Variants in ADAM23 observed in about 807,000 individuals in gnomAD.
ADAM23 encodes the protein disintegrin and metalloproteinase domain-containing protein 23.
Under a neutral mutation model 120.1 loss-of-function variants are expected in ADAM23, and 33 were observed. The ratio of observed to expected loss-of-function variants is 0.27; its 90% CI spans 0.21 to 0.37. ADAM23 has a LOEUF of 0.37. Ranked by LOEUF, ADAM23 falls within the 10% of genes least tolerant of loss-of-function variation. The probability of loss-of-function intolerance (pLI) is 1.00; values close to 1 mark genes in which losing one functional copy is unlikely to be tolerated. For synonymous variants in ADAM23, 367 were observed against 375.2 expected (o/e 0.98, Z 0.25); for missense variants, 862 against 1,058.2 (o/e 0.81, Z 2.57).
At chr2:206,485,674 T>C (rs1440739503) in intron 3 of ADAM23, among the ~76,000 whole-genome samples, 1 of 152,240 alleles carries the variant, frequency 6.6e-6, no homozygotes, top group Non-Finnish European at 1.5e-5. Context: ...ATCTGCTATG[T>C]GCCTCTGGCT....
intron 6 of ADAM23, among the ~76,000 whole-genome samples, chr2:206,545,216 G>C (rs561540554): frequency 4.6e-3 from 700 of 152,270 alleles, no homozygotes; most frequent in Middle Eastern, 0.02. Flanking sequence ...GGCTGGGCGT[G>C]GTAGCTCACG....
At chr2:206,571,261 G>A (rs919934585) in intron 16 of ADAM23, among the ~76,000 whole-genome samples, 1 of 151,598 alleles carries the variant, frequency 6.6e-6, no homozygotes, top group Non-Finnish European at 1.5e-5. Context: ...AGATCACGAG[G>A]TCAGGAGATA....
intron 16 of ADAM23, 59 bp downstream of exon 16, chr2:206,570,870 T>C (rs2105830473): frequency 2.7e-6 from 4 of 1,475,452 alleles, no homozygotes; most frequent in Admixed American, 3.4e-5. Flanking sequence ...CAAACAGGTA[T>C]AGCATTTGTG....
At chr2:206,609,845 CT>C in intron 24 of ADAM23, 64 bp from the exon 25 acceptor site, 1 of 1,372,198 alleles carries the variant, frequency 7.3e-7, no homozygotes, top group Non-Finnish European at 1.0e-6. Flanking sequence ...GCTTAACTGC[CT>C]TTCCCTTGTG....
At chr2:206,576,409 T>C (rs1559272511) in intron 18 of ADAM23, among the ~76,000 whole-genome samples, 1 of 152,102 alleles carries the variant, frequency 6.6e-6, no homozygotes, top group Non-Finnish European at 1.5e-5. Flanking sequence ...TTCTATTGTC[T>C]AAGTAAAACA....
Position 206,512,473 on chromosome 2 carries a change from A to G in ADAM23, c.510-18412A>G, listed in dbSNP as rs115052477. 5.7e-3 allele frequency among the ~76,000 whole-genome samples: 866 copies of G among 152,332 alleles called. 7 individuals are homozygous for G. Among genetic ancestry groups the G allele is most frequent in the African/African-American group, 0.02 (826 of 41,564 alleles). ...TGAAAAGGCTATTGAGTGCCGTTAC[A>G]TGGCCTCAAGATCTAAAAACTTTTG... is the stretch of plus-strand genomic sequence containing the variant. On this transcript the variant is annotated intron_variant, in intron 3 of 25. Transcript: ENST00000264377.
intron 3 of ADAM23, among the ~76,000 whole-genome samples, chr2:206,490,823 A>T (rs1259989675): frequency 6.6e-6 from 1 of 152,060 alleles, no homozygotes; most frequent in South Asian, 2.1e-4. Context: ...GTCTGAGTCA[A>T]CCCATATTGA....
At chr2:206,587,212 T>A in intron 18 of ADAM23, 113 bp from the exon 19 acceptor site, 1 of 698,268 alleles carries the variant, frequency 1.4e-6, no homozygotes. Flanking sequence ...GCATGTGTTT[T>A]TCTCAATGTT....
chr2:206,614,392 A>G (rs1210644569), intron 25 of ADAM23, among the ~76,000 whole-genome samples: 1 of 152,010 alleles, frequency 6.6e-6, no homozygotes, highest in African/African-American at 2.4e-5. Flanking sequence ...GAAGCTGGGC[A>G]TGGTGGCTCA....
At chr2:206,553,148 C>T (rs1308016253) in intron 9 of ADAM23, among the ~76,000 whole-genome samples, 2 of 152,106 alleles carry the variant, frequency 1.3e-5, no homozygotes, top group African/African-American at 2.4e-5. Flanking sequence ...GAGTCCAAGG[C>T]GTGTGGATCA....
intron 2 of ADAM23, among the ~76,000 whole-genome samples, chr2:206,451,227 A>G (rs1479220246): frequency 2.0e-5 from 3 of 152,164 alleles, no homozygotes; most frequent in Non-Finnish European, 2.9e-5. Flanking sequence ...GGTGAGTGCA[A>G]GAAGGGGAAA....
intron 21 of ADAM23, 23 bp downstream of exon 21, chr2:206,589,537 A>C (rs375576698): frequency 6.3e-7 from 1 of 1,587,676 alleles, no homozygotes; most frequent in African/African-American, 1.3e-5. Context: ...CTCTAAGGGC[A>C]TAGTCACTGG....
intron 24 of ADAM23, chr2:206,605,852 AT>A: frequency 1.4e-6 from 1 of 691,756 alleles, no homozygotes; most frequent in South Asian, 1.5e-5. Context: ...CCTGGGGGTG[AT>A]TTTTGGAGGC....
chr2:206,497,532 C>T (rs1413013169), intron 3 of ADAM23, among the ~76,000 whole-genome samples: 1 of 152,056 alleles, frequency 6.6e-6, no homozygotes, highest in Admixed American at 6.6e-5. Context: ...TATGACAAAC[C>T]CACAGCCAAT....
rs756677206 is a variant in ADAM23 at position 206,587,334 on chromosome 2, A to C, written c.1747A>C (p.Asn583His). 3.1e-6 allele frequency: 5 copies of C among 1,607,834 alleles called. No homozygotes were observed. Among genetic ancestry groups the C allele is most frequent in the South Asian group, 1.1e-5 (1 of 89,646 alleles). The change falls in exon 19 of 26, where the codon AAT (asparagine) becomes CAT (histidine). Residue 583 changes from asparagine to histidine, a missense_variant. Asn to His is a moderately conservative substitution (Grantham distance 68). This residue lies in a region of ADAM23 where 617 missense variants were observed against 813.5 expected (regional missense o/e 0.76). Coordinates refer to ENST00000264377, the MANE Select transcript of ADAM23 (RefSeq NM_003812.4). Reference protein sequence around the residue: ...CTGDSGQCPPNLHKQDGYACN... With the variant: ...CTGDSGQCPPHLHKQDGYACN... ...AGATAATATTTTGCAGTGCCCACCA[A>C]ATCTTCATAAGCAAGACGGATATGC...
intron 3 of ADAM23, among the ~76,000 whole-genome samples, chr2:206,500,620 A>G (rs1486154025): frequency 6.6e-6 from 1 of 152,152 alleles, no homozygotes; most frequent in East Asian, 1.9e-4. Flanking sequence ...TTTGTGCACA[A>G]TCCTGAGGGT....
chr2:206,570,717 C>T, intron 15 of ADAM23, 23 bp from the exon 16 acceptor site: 1 of 1,601,522 alleles, frequency 6.2e-7, no homozygotes, highest in Non-Finnish European at 8.6e-7. Context: ...AACATTTTTC[C>T]CTTCTGTCCC....
intron 6 of ADAM23, among the ~76,000 whole-genome samples, chr2:206,546,547 G>A (rs1349269767): frequency 2.0e-5 from 3 of 152,006 alleles, no homozygotes; most frequent in Non-Finnish European, 4.4e-5. Context: ...ATTTGGAAAA[G>A]CAAAACAAAT....
chr2:206,613,296 T>G (rs1025788863), intron 25 of ADAM23, among the ~76,000 whole-genome samples: 9 of 152,136 alleles, frequency 5.9e-5, no homozygotes, highest in Non-Finnish European at 1.3e-4. Context: ...CAACCTCAGG[T>G]GATCCGCCAG....
Sources: allele counts gnomAD v4.1 joint callset (sites outside exome capture counted in the v4.1 genomes callset), GRCh38; gene constraint gnomAD v4.1.1; regional missense constraint gnomAD v4.1.1; transcripts MANE v1.5; gene names NCBI Gene and HGNC (gene_info 2026-07-23, HGNC 2026-07-21).